Variants in ADCY9 observed in about 807,000 individuals in gnomAD.
The protein encoded by ADCY9 is adenylate cyclase 9, also known as adenylate cyclase type 9.
Under a neutral mutation model 101.5 loss-of-function variants are expected in ADCY9, and 50 were observed. The ratio of observed to expected loss-of-function variants is 0.49; its 90% CI spans 0.39 to 0.62. ADCY9 has a LOEUF of 0.62. Ranked by LOEUF, ADCY9 falls within the 20% of genes least tolerant of loss-of-function variation. The pLI, the probability that ADCY9 is intolerant of heterozygous loss-of-function variation, is 0.00. For missense variants in ADCY9, 1,662 were observed against 1,800.4 expected (o/e 0.92, Z 1.39); for synonymous variants, 905 against 769.3 (o/e 1.18, Z -2.92).
At position 3,956,488 on chromosome 16, in the gene ADCY9, C is replaced by T. The variant is rs866320946; in HGVS notation, c.568-2972G>A. 5.5e-4 allele frequency among the ~76,000 whole-genome samples: 38 copies of T among 68,790 alleles called. 3 individuals carry two copies. Among genetic ancestry groups the T allele is most frequent in the African/African-American group, 1.3e-3 (20 of 15,146 alleles). The allele number at this position is 68,790 out of a possible 152,430, so 45.1% of individuals were successfully genotyped here. ...AAGGACAAGACACCAGCGCAATGAG[C>T]TTTTTTTTTTTTTTTGGGGGGGGAT... On this transcript the variant is annotated intron_variant, in intron 5 of 5. Transcript: ENST00000576936.
chr16:4,059,379 G>GCA lies in ADCY9; in HGVS notation c.1694-51822_1694-51821insTG, dbSNP rs34159566. Among the ~76,000 whole-genome samples the GCA allele has an allele frequency of 6.0e-3, 702 of 117,580 alleles. 24 individuals are homozygous for GCA. Among genetic ancestry groups the GCA allele is most frequent in the Non-Finnish European group, 8.9e-3 (517 of 58,168 alleles). The allele number at this position is 117,580 out of a possible 152,430, so 77.1% of individuals were successfully genotyped here. On this transcript the variant is annotated intron_variant, in intron 2 of 10. Coordinates refer to ENST00000294016, the MANE Select transcript of ADCY9 (RefSeq NM_001116.4). ...CTGGGCGACACAGCGAGAATCCATC[G>GCA]AAAAAAAAAAAAAAAGAAAAAAAAA...
At chr16:4,099,684 T>C (rs1402805907) in intron 2 of ADCY9, among the ~76,000 whole-genome samples, 4 of 152,200 alleles carry the variant, frequency 2.6e-5, no homozygotes, top group Admixed American at 2.0e-4. Context: ...TGTAATGGAA[T>C]GAAATACATC....
Position 4,114,461 on chromosome 16 carries a change from C to A in ADCY9, c.982G>T (p.Ala328Ser). ...GAATGAATCATCCTCTCTTTGAGGG[C>A]TTTTTCCACTTCCAGGTCCTTCCCG... ...MHGKDLEVEK[A>S]LKERMIHSVM... Residue 328 changes from alanine to serine, a missense_variant, in exon 2 of 11, where the codon GCC becomes TCC. Transcript: ENST00000294016. This position sits in a 1 kb window ranked among gnomAD's most constrained non-coding sequence, Gnocchi z 4.3. The A allele has an allele frequency of 6.2e-7, 1 of 1,614,132 alleles. No individual in the cohort carries two copies.
chr16:3,980,059 G>A (rs1242433250), intron 7 of ADCY9, among the ~76,000 whole-genome samples: 1 of 152,230 alleles, frequency 6.6e-6, no homozygotes, highest in African/African-American at 2.4e-5. Flanking sequence ...ACCCGCACAC[G>A]CGTGCCGTCT....
chr16:3,966,336 G>A lies in ADCY9; in HGVS notation c.3501C>T (p.Phe1167=), dbSNP rs762603873. ...CCCCGGCCGTGAGGGGCCCATGGTT[G>A]AAGCCGACGCGGAGCTTGAAGTTGA... The part of the protein sequence containing the change: ...LWFNFKLRVG[F]NHGPLTAGVI... The change falls in exon 11 of 11, where the codon TTC becomes TTT. Residue 1167 remains phenylalanine, a synonymous_variant. Coordinates refer to ENST00000294016, the MANE Select transcript of ADCY9 (RefSeq NM_001116.4). The A allele has an allele frequency of 2.5e-6, 4 of 1,614,044 alleles. No individual in the cohort carries two copies. In the Admixed American group the frequency reaches 6.7e-5, roughly 27 times the overall value.
chr16:4,001,102 C>T (rs1204244010), intron 3 of ADCY9, among the ~76,000 whole-genome samples: 2 of 151,918 alleles, frequency 1.3e-5, no homozygotes, highest in African/African-American at 2.4e-5. Context: ...ACATACTCAC[C>T]GTACAGTTAT....
intron 2 of ADCY9, among the ~76,000 whole-genome samples, chr16:4,092,177 C>G (rs796549941): frequency 1.3e-5 from 2 of 152,046 alleles, no homozygotes; most frequent in African/African-American, 4.8e-5. Flanking sequence ...GGCTGAGGCA[C>G]GAGAATTGCC....
Position 4,045,322 on chromosome 16 carries a change from C to T in ADCY9, c.1694-37764G>A, listed in dbSNP as rs1295670924. 2.0e-5 allele frequency among the ~76,000 whole-genome samples: 3 copies of T among 152,088 alleles called. No homozygotes were observed. In the East Asian group the frequency reaches 5.8e-4, roughly 29 times the overall value. On this transcript the variant is annotated intron_variant, in intron 2 of 10. Transcript: ENST00000294016. ...TAGGAAGGAGCCAAACGCGGCTGGG[C>T]ACGGTGGTTCACGCCTGTAATCCCA...
intron 2 of ADCY9, among the ~76,000 whole-genome samples, chr16:4,096,478 A>C (rs940663444): frequency 6.6e-6 from 1 of 152,246 alleles, no homozygotes; most frequent in Non-Finnish European, 1.5e-5. Context: ...AAATAAGATC[A>C]TGCTATAAAA....
intron 2 of ADCY9, among the ~76,000 whole-genome samples, chr16:4,018,212 CT>C (rs2056451016): frequency 6.9e-6 from 1 of 145,650 alleles, no homozygotes; most frequent in Non-Finnish European, 1.5e-5. Flanking sequence ...GAATATTCTT[CT>C]CTTTTTTTTT....
intron 2 of ADCY9, among the ~76,000 whole-genome samples, chr16:4,048,823 C>T (rs2056682596): frequency 6.6e-6 from 1 of 152,092 alleles, no homozygotes; most frequent in African/African-American, 2.4e-5. Context: ...GCTCAAGTCC[C>T]TCCTCACAAT....
intron 6 of ADCY9, among the ~76,000 whole-genome samples, chr16:3,985,066 C>A (rs1057365597): frequency 6.6e-6 from 1 of 151,700 alleles, no homozygotes; most frequent in African/African-American, 2.4e-5. Context: ...CCCAAAAGGG[C>A]AAGTCAGGTC....
intron 2 of ADCY9, among the ~76,000 whole-genome samples, chr16:4,053,296 A>G (rs2056713608): frequency 6.6e-6 from 1 of 152,258 alleles, no homozygotes; most frequent in African/African-American, 2.4e-5. Flanking sequence ...GAAACATCTA[A>G]GATTAACAGT....
chr16:4,064,522 GA>G (rs1370031890), intron 2 of ADCY9, among the ~76,000 whole-genome samples: 1 of 152,132 alleles, frequency 6.6e-6, no homozygotes, highest in Non-Finnish European at 1.5e-5. Context: ...ACTCGGGCTG[GA>G]GTACAATGGC....
intron 6 of ADCY9, among the ~76,000 whole-genome samples, chr16:3,987,016 A>C (rs922433392): frequency 9.2e-5 from 14 of 152,082 alleles, no homozygotes; most frequent in African/African-American, 3.1e-4. Flanking sequence ...CCTGCCCCGG[A>C]TGCGCCTGCA....
In ADCY9 at chr16:3,983,395, T is replaced by C. The variant is rs1212916667; in HGVS notation, c.2356A>G (p.Ser786Gly). The change falls in exon 7 of 11, where the codon AGC (serine) becomes GGC (glycine). Residue 786 changes from serine (S) to glycine (G), a missense_variant. By Grantham distance (56) the Ser-to-Gly change is moderately conservative (BLOSUM62 0). This residue lies in a region of ADCY9 where 624 missense variants were observed against 639.1 expected (regional missense o/e 0.98). Transcript: ENST00000294016. The stretch of plus-strand genomic sequence containing the variant: ...GACAGAAACACATCCAGGAGGGAGC[T>C]GAAGGTGGGACTAGCAAACGTCTTC... Reference protein sequence around the residue: ...PVKTFASPTFSSLLDVFLSTT... With the variant: ...PVKTFASPTFGSLLDVFLSTT... The C allele has an allele frequency of 6.2e-7, 1 of 1,608,384 alleles. No homozygotes were observed. The highest frequency in any genetic ancestry group is 1.7e-5 in the Admixed American group (1 of 59,298).
chr16:4,082,625 T>G (rs2056910769), intron 2 of ADCY9, among the ~76,000 whole-genome samples: 1 of 147,028 alleles, frequency 6.8e-6, no homozygotes, highest in South Asian at 2.2e-4. Flanking sequence ...CACACACACA[T>G]GCAGGCACAC....
chr16:3,980,954 C>A (rs890378844), intron 7 of ADCY9, among the ~76,000 whole-genome samples: 1 of 152,138 alleles, frequency 6.6e-6, no homozygotes, highest in Non-Finnish European at 1.5e-5. Context: ...AGGCAACGGG[C>A]GGGGCCTGGG....
At chr16:4,109,233 G>C (rs2057098634) in intron 2 of ADCY9, among the ~76,000 whole-genome samples, 2 of 151,364 alleles carry the variant, frequency 1.3e-5, no homozygotes, top group African/African-American at 2.4e-5. Context: ...TTGAAGGCCT[G>C]GTTTTTGTTT....
Sources: gnomAD v4.1 joint callset for allele counts (sites outside exome capture counted in the v4.1 genomes callset) on GRCh38, gnomAD v4.1.1 for gene constraint, gnomAD v4.1.1 regional missense constraint, Gnocchi (gnomAD v3.1) non-coding constraint, MANE v1.5 for transcripts, NCBI Gene and HGNC (gene_info 2026-07-23, HGNC 2026-07-21) for gene names.